The following PTPN12 variants were observed in gnomAD, a reference collection of about 807,000 sequenced individuals.
PTPN12 encodes protein tyrosine phosphatase non-receptor type 12, also known as tyrosine-protein phosphatase non-receptor type 12.
In PTPN12, 29 loss-of-function variants were observed where a neutral mutation model predicts 97.6. The observed-to-expected ratio is 0.30, with a 90% CI of 0.22 to 0.41. PTPN12 has a LOEUF of 0.41. PTPN12 is among the 10% of genes least tolerant of loss of function. The pLI is 1.00. For missense variants in PTPN12, 819 were observed against 926.0 expected (o/e 0.88, Z 1.50); for synonymous variants, 327 against 300.4 (o/e 1.09, Z -0.91).
At chr7:77,538,247 T>A (rs73368541) in intron 1 of PTPN12, 1 of 325,056 alleles carries the variant, frequency 3.1e-6, no homozygotes, top group Non-Finnish European at 4.4e-6. Flanking sequence ...TGGGTTTACC[T>A]AATTTCCATT....
Position 77,577,761 on chromosome 7 carries a change from T to C in PTPN12, c.209-3666T>C, listed in dbSNP as rs537889515. Among the ~76,000 whole-genome samples the C allele has an allele frequency of 1.6e-3, 238 of 152,328 alleles. 1 individual carries two copies. Among genetic ancestry groups the C allele is most frequent in the Middle Eastern group, 3.4e-3 (1 of 294 alleles). ...GAAAGCAGTGACTACCAAATTTGCC[T>C]GTGTTTTAGAATTTAAATGGGGAGT... On this transcript the variant is annotated intron_variant, in intron 2 of 17. Coordinates refer to ENST00000248594, the MANE Select transcript of PTPN12 (RefSeq NM_002835.4).
At chr7:77,542,852 C>T (rs1422485179) in intron 1 of PTPN12, among the ~76,000 whole-genome samples, 3 of 152,150 alleles carry the variant, frequency 2.0e-5, no homozygotes, top group Non-Finnish European at 4.4e-5. Flanking sequence ...CTCAAGATTT[C>T]TGACAGGACG....
intron 1 of PTPN12, among the ~76,000 whole-genome samples, chr7:77,557,657 A>G (rs928132726): frequency 1.3e-5 from 2 of 152,184 alleles, no homozygotes; most frequent in African/African-American, 2.4e-5. Context: ...AAAGTCACAT[A>G]CTGTTAGAAG....
In PTPN12 at chr7:77,607,910, C is replaced by T. The variant is rs139783360; in HGVS notation, c.762+609C>T. 1.8e-4 allele frequency among the ~76,000 whole-genome samples: 27 copies of T among 152,198 alleles called. No individual in the cohort carries two copies. In the East Asian group the frequency reaches 2.3e-3, roughly 13 times the overall value. ...CTGGGATTACAGGTGCCTGCCATCA[C>T]GCCCAGCTAATGTTTTATATTTTTG... is the stretch of plus-strand genomic sequence containing the variant. On this transcript the variant is annotated intron_variant, in intron 9 of 17. Transcript: ENST00000248594.
At chr7:77,604,365 A>AGTG (rs1235688048) in intron 8 of PTPN12, among the ~76,000 whole-genome samples, 3 of 151,018 alleles carry the variant, frequency 2.0e-5, no homozygotes, top group South Asian at 2.1e-4. Context: ...ATAGGCATGC[A>AGTG]CCACCACACC....
At chr7:77,618,158 G>A (rs1788814936) in intron 11 of PTPN12, among the ~76,000 whole-genome samples, 1 of 152,004 alleles carries the variant, frequency 6.6e-6, no homozygotes, top group Admixed American at 6.6e-5. Context: ...GTGATGGCGG[G>A]GCGGGGGGAT....
chr7:77,550,559 A>G (rs186106889), intron 1 of PTPN12, among the ~76,000 whole-genome samples: 1 of 152,272 alleles, frequency 6.6e-6, no homozygotes, highest in South Asian at 2.1e-4. Flanking sequence ...AAGAGTAATG[A>G]ATGCCCTTTA....
chr7:77,598,012 G>C (rs1179803142), intron 7 of PTPN12, 111 bp downstream of exon 7: 3 of 1,395,048 alleles, frequency 2.2e-6, no homozygotes, highest in South Asian at 3.1e-5. Flanking sequence ...AGGGTGACTT[G>C]AGTCCAGGGG....
At chr7:77,587,538 A>T (rs1787731021) in intron 5 of PTPN12, among the ~76,000 whole-genome samples, 1 of 152,252 alleles carries the variant, frequency 6.6e-6, no homozygotes, top group African/African-American at 2.4e-5. Flanking sequence ...TAGAGGACAG[A>T]CAGAGTACAT....
intron 13 of PTPN12, among the ~76,000 whole-genome samples, chr7:77,628,838 T>G (rs1163988008): frequency 6.7e-6 from 1 of 150,186 alleles, no homozygotes; most frequent in East Asian, 2.0e-4. Context: ...ACACCTGGCC[T>G]TGAAAGATTA....
chr7:77,577,086 C>T (rs1263618717), intron 2 of PTPN12, among the ~76,000 whole-genome samples: 2 of 152,168 alleles, frequency 1.3e-5, no homozygotes, highest in African/African-American at 4.8e-5. Context: ...ACTCCAATTC[C>T]AGCCCACCCC....
chr7:77,607,347 A>T, intron 9 of PTPN12, 46 bp downstream of exon 9: 1 of 1,314,094 alleles, frequency 7.6e-7, no homozygotes. Flanking sequence ...ATCTATTATG[A>T]TTTTCAAACT....
intron 11 of PTPN12, among the ~76,000 whole-genome samples, chr7:77,613,433 C>T (rs890504661): frequency 1.3e-5 from 2 of 151,984 alleles, no homozygotes; most frequent in Non-Finnish European, 2.9e-5. Context: ...CCTCAGCCTC[C>T]CAAAGTGCCA....
At chr7:77,557,860 G>C (rs752943588) in intron 1 of PTPN12, among the ~76,000 whole-genome samples, 1 of 152,176 alleles carries the variant, frequency 6.6e-6, no homozygotes, top group Non-Finnish European at 1.5e-5. Context: ...ATCATTAACT[G>C]TTGGGGGAGT....
chr7:77,555,927 T>C (rs1189492172), intron 1 of PTPN12, among the ~76,000 whole-genome samples: 3 of 151,684 alleles, frequency 2.0e-5, no homozygotes, highest in Non-Finnish European at 2.9e-5. Flanking sequence ...AAAAAAAAAA[T>C]CTCTAGTGTT....
chr7:77,611,375 A>C (rs1367876743), intron 11 of PTPN12, among the ~76,000 whole-genome samples: 1 of 152,190 alleles, frequency 6.6e-6, no homozygotes, highest in East Asian at 1.9e-4. Flanking sequence ...CACCCAAGTA[A>C]TTCTGCATTG....
At chr7:77,547,586 A>G (rs1707526856) in intron 1 of PTPN12, among the ~76,000 whole-genome samples, 2 of 152,218 alleles carry the variant, frequency 1.3e-5, no homozygotes, top group African/African-American at 4.8e-5. Context: ...CCTGGAAAGA[A>G]CAAGATAATA....
intron 13 of PTPN12, among the ~76,000 whole-genome samples, chr7:77,631,389 TGGTAAAATA>T (rs954145040): frequency 6.6e-6 from 1 of 152,204 alleles, no homozygotes; most frequent in African/African-American, 2.4e-5. Flanking sequence ...CCATCAGGTG[TGGTAAAATA>T]GCAGAGTATC....
At position 77,618,560 on chromosome 7, in the gene PTPN12, C is replaced by T; in HGVS notation, c.1020C>T (p.Thr340=). ...CTCCTCCTCCAAAACCACCAAGGACCCGCAGGTATTGTATGTCTTCGAACA... is the reference window on the plus strand; with the variant it reads ...CTCCTCCTCCAAAACCACCAAGGACTCGCAGGTATTGTATGTCTTCGAACA... ...QDSPPPKPPR[T]RSCLVEGDAK... is the part of the protein sequence containing the mutation. Residue 340 remains threonine, a synonymous_variant, in exon 12 of 18, where the codon ACC becomes ACT. Coordinates refer to ENST00000248594, the MANE Select transcript of PTPN12 (RefSeq NM_002835.4). 2 of 1,596,724 alleles carry T rather than the reference C, an allele frequency of 1.3e-6. No individual in the cohort carries two copies. The highest frequency in any genetic ancestry group is 1.7e-6 in the Non-Finnish European group (2 of 1,165,488).
Sources: gnomAD v4.1 joint callset for allele counts (sites outside exome capture counted in the v4.1 genomes callset) on GRCh38, gnomAD v4.1.1 for gene constraint, MANE v1.5 for transcripts, NCBI Gene and HGNC (gene_info 2026-07-23, HGNC 2026-07-21) for gene names.